Variants in SAP18 observed in about 807,000 individuals in gnomAD.
The protein encoded by SAP18 is Sin3A associated protein 18, also known as histone deacetylase complex subunit SAP18.
A neutral mutation model predicts 18.6 loss-of-function variants in SAP18; 4 were observed. The observed-to-expected ratio is 0.21, with a 90% CI of 0.11 to 0.49. The LOEUF is 0.49. Among genes scored for constraint, SAP18 ranks in the 20% least tolerant of loss-of-function variants. The pLI is 0.98. For synonymous variants in SAP18, 112 were observed against 82.8 expected (o/e 1.35, Z -1.92); for missense variants, 170 against 226.4 (o/e 0.75, Z 1.60).
At chr13:21,142,771 G>A (rs537964861) in intron 2 of SAP18, among the ~76,000 whole-genome samples, 1 of 152,078 alleles carries the variant, frequency 6.6e-6, no homozygotes, top group African/African-American at 2.4e-5. Context: ...AAGAGACGGA[G>A]TCTTGCTCTG....
Position 21,147,305 on chromosome 13 carries a change from G to A in SAP18, c.482G>A (p.Arg161Gln). ...GACATAGCAATTACCCCTCCAAATC[G>A]GGCACCACCTCCTTCAGGGCGCATG... The change falls in exon 4 of 4, where the codon CGG (arginine) becomes CAG (glutamine). Residue 161 changes from arginine (R) to glutamine (Q), a missense_variant. Arg to Gln is a conservative substitution (Grantham distance 43). Coordinates refer to ENST00000621421, the Ensembl canonical transcript of SAP18. The A allele has an allele frequency of 6.2e-7, 1 of 1,613,756 alleles. No individual in the cohort carries two copies. Among genetic ancestry groups the A allele is most frequent in the Non-Finnish European group, 8.5e-7 (1 of 1,179,898 alleles).
At chr13:21,140,796 G>C in intron 1 of SAP18, 90 bp from the exon 2 acceptor site, 1 of 1,578,400 alleles carries the variant, frequency 6.3e-7, no homozygotes, top group Non-Finnish European at 8.7e-7. Context: ...GGGGAGGCTC[G>C]GAGGCCGCAA....
chr13:21,147,311 C>T (rs1804867), exon 4 of SAP18: 2 of 1,613,542 alleles, frequency 1.2e-6, no homozygotes, highest in African/African-American at 1.3e-5. Context: ...AATCGGGCAC[C>T]ACCTCCTTCA....
intron 2 of SAP18, among the ~76,000 whole-genome samples, chr13:21,142,310 A>G (rs1170407569): frequency 1.3e-5 from 2 of 151,296 alleles, no homozygotes; most frequent in Admixed American, 1.3e-4. Flanking sequence ...GTGTGCCTAT[A>G]TAACAAAATT....
At chr13:21,146,849 T>A in exon 3 of SAP18, 1 of 1,611,916 alleles carries the variant, frequency 6.2e-7, no homozygotes, top group Non-Finnish European at 8.5e-7. Flanking sequence ...GTAAAAGAAG[T>A]CTACCCAGAA....
chr13:21,144,690 G>C (rs565493558), intron 2 of SAP18, among the ~76,000 whole-genome samples: 1 of 152,090 alleles, frequency 6.6e-6, no homozygotes, highest in Non-Finnish European at 1.5e-5. Context: ...CTGTAGCTTC[G>C]TCAAGCTGAC....
At chr13:21,140,627 C>T (rs964979702) in exon 1 of SAP18, 2 of 1,612,520 alleles carry the variant, frequency 1.2e-6, no homozygotes, top group Admixed American at 1.7e-5. Context: ...TGGAGTCGCG[C>T]GTTACCCAGG....
At chr13:21,141,103 C>A in intron 2 of SAP18, 108 bp downstream of exon 2, 1 of 742,796 alleles carries the variant, frequency 1.3e-6, no homozygotes, top group Non-Finnish European at 2.3e-6. Flanking sequence ...TTCATTTCTC[C>A]ACTTGGGGCC....
At chr13:21,148,462 C>G (rs1276034965) in exon 4 of SAP18, 1 of 151,852 alleles carries the variant, frequency 6.6e-6, no homozygotes, top group Non-Finnish European at 1.5e-5. Flanking sequence ...GTTACAGTAG[C>G]CAATTGAAAA....
At chr13:21,140,583 G>C (rs552329707) in exon 1 of SAP18, 1 of 1,606,934 alleles carries the variant, frequency 6.2e-7, no homozygotes, top group Admixed American at 1.7e-5. Context: ...AGGTCAGGGC[G>C]AGCGTCTCGC....
exon 3 of SAP18, chr13:21,146,913 A>G (rs368017428): frequency 1.2e-6 from 2 of 1,610,800 alleles, no homozygotes; most frequent in African/African-American, 2.7e-5. Flanking sequence ...CAGATGTTAA[A>G]AGACCTGGCT....
chr13:21,146,698 T>G (rs1869661767), intron 2 of SAP18, 107 bp from the exon 3 acceptor site: 1 of 883,062 alleles, frequency 1.1e-6, no homozygotes, highest in Non-Finnish European at 1.7e-6. Flanking sequence ...CAGTTTCTAA[T>G]GTAAATCACA....
intron 2 of SAP18, 43 bp downstream of exon 2, chr13:21,141,038 T>G (rs1218573225): frequency 8.0e-7 from 1 of 1,248,920 alleles, no homozygotes; most frequent in African/African-American, 1.5e-5. Flanking sequence ...GCCGGGAACC[T>G]GGAACAACAG....
At chr13:21,147,644 A>G (rs1869694658) in exon 4 of SAP18, 2 of 278,064 alleles carry the variant, frequency 7.2e-6, no homozygotes, top group Admixed American at 1.0e-4. Flanking sequence ...AACAGGGTTT[A>G]TACTAAGTAG....
chr13:21,145,564 T>A (rs1347450670), intron 2 of SAP18, among the ~76,000 whole-genome samples: 1 of 152,146 alleles, frequency 6.6e-6, no homozygotes, highest in Non-Finnish European at 1.5e-5. Context: ...TGGAGCACAG[T>A]GGCACAGTCT....
chr13:21,147,432 C>T, exon 4 of SAP18: 2 of 1,181,470 alleles, frequency 1.7e-6, no homozygotes, highest in African/African-American at 3.1e-5. Context: ...GCCATTAAGC[C>T]TTTAAATTCT....
intron 1 of SAP18, 60 bp from the exon 2 acceptor site, chr13:21,140,826 A>C (rs1203221384): frequency 6.4e-7 from 1 of 1,572,906 alleles, no homozygotes; most frequent in South Asian, 1.1e-5. Context: ...AAGAGAGATG[A>C]GCTCCGGGTT....
At chr13:21,141,082 C>T (rs1869450039) in intron 2 of SAP18, 87 bp downstream of exon 2, 2 of 859,218 alleles carry the variant, frequency 2.3e-6, no homozygotes, top group Non-Finnish European at 3.9e-6. Context: ...GTTATTCTCC[C>T]TGATTTCAAT....
At chr13:21,142,020 C>T (rs1285661053) in intron 2 of SAP18, among the ~76,000 whole-genome samples, 1 of 149,518 alleles carries the variant, frequency 6.7e-6, no homozygotes, top group Non-Finnish European at 1.5e-5. Context: ...GGCACGGTGG[C>T]TTATGCCTGT....
Sources: gnomAD v4.1 joint callset for allele counts (sites outside exome capture counted in the v4.1 genomes callset) on GRCh38, gnomAD v4.1.1 for gene constraint, MANE v1.5 for transcripts, NCBI Gene and HGNC (gene_info 2026-07-23, HGNC 2026-07-21) for gene names.